Variants in BRI3BP observed in about 807,000 individuals in gnomAD.
BRI3BP encodes BRI3-binding protein.
BRI3BP carries 7 observed loss-of-function variants against 15.8 expected under a neutral mutation model. The observed-to-expected ratio is 0.44, with a 90% confidence interval of 0.25 to 0.83. The LOEUF (loss-of-function observed/expected upper bound fraction) is 0.83. Ranked by LOEUF, BRI3BP falls within the 40% of genes least tolerant of loss-of-function variation. The probability of loss-of-function intolerance (pLI) is 0.20; values close to 1 mark genes in which losing one functional copy is unlikely to be tolerated. For synonymous variants in BRI3BP, 192 were observed against 163.5 expected (o/e 1.17, Z -1.33); for missense variants, 320 against 339.3 (o/e 0.94, Z 0.45).
Position 125,030,400 on chromosome 12 carries a change from T to C in BRI3BP, c.*4970T>C, listed in dbSNP as rs1488623826. On this transcript the variant is annotated 3_prime_UTR_variant, in exon 3 of 3. Transcript: ENST00000341446. ...TCCTCACTTGTGAATAATAGGAATA[T>C]ATTTTGCAGAATCTAACATAATACC... is the stretch of plus-strand genomic sequence containing the variant. The C allele has an allele frequency of 6.6e-6, 1 of 152,230 alleles. No individual in the cohort carries two copies. Among genetic ancestry groups the C allele is most frequent in the East Asian group, 1.9e-4 (1 of 5,204 alleles). 9.4% of individuals were successfully genotyped at this position (152,230 alleles called of 1,614,324 possible).
chr12:124,994,084 C>G, intron 1 of BRI3BP, 81 bp downstream of exon 1: 1 of 997,266 alleles, frequency 1.0e-6, no homozygotes, highest in Non-Finnish European at 1.3e-6. Flanking sequence ...GGGAGGAGCG[C>G]GGCCTCCGGG....
chr12:125,047,455 G>T, the BRI3BP span, among the ~76,000 whole-genome samples: 9 of 150,776 alleles, frequency 6.0e-5, no homozygotes, highest in East Asian at 1.8e-3. Context: ...TTACAGGCGT[G>T]AGCCACCGCA....
intron 2 of BRI3BP, among the ~76,000 whole-genome samples, chr12:125,024,533 C>T (rs1213597752): frequency 6.6e-6 from 1 of 152,256 alleles, no homozygotes; most frequent in East Asian, 1.9e-4. Context: ...GGCATGGTGG[C>T]TCATGCCTGT....
chr12:124,997,762 G>T (rs1197769157), intron 1 of BRI3BP, among the ~76,000 whole-genome samples: 1 of 151,852 alleles, frequency 6.6e-6, no homozygotes, highest in Admixed American at 6.6e-5. Context: ...GCCAAGGTGG[G>T]CAGCTCATCT....
chr12:125,010,422 A>T (rs7975925), intron 1 of BRI3BP, among the ~76,000 whole-genome samples: 20,067 of 152,142 alleles, frequency 0.13, 1,402 homozygotes, highest in Admixed American at 0.15. Flanking sequence ...CTGGTCCCTG[A>T]TTCAGCCCTG....
At chr12:125,049,464 C>A in the BRI3BP span, among the ~76,000 whole-genome samples, 1 of 151,898 alleles carries the variant, frequency 6.6e-6, no homozygotes, top group African/African-American at 2.4e-5. Context: ...AGGCACAACC[C>A]TCCTTTGGCA....
At chr12:125,045,061 A>G in the BRI3BP span, among the ~76,000 whole-genome samples, 2 of 152,226 alleles carry the variant, frequency 1.3e-5, no homozygotes, top group African/African-American at 2.4e-5. Flanking sequence ...TTATATCTAT[A>G]CCTGACTTTA....
In BRI3BP at chr12:125,025,081, A is replaced by G. The variant is rs868799704; in HGVS notation, c.407A>G (p.Tyr136Cys). The G allele has an allele frequency of 1.9e-6, 3 of 1,613,532 alleles. No homozygotes were observed. The highest frequency in any genetic ancestry group is 2.5e-6 in the Non-Finnish European group (3 of 1,179,978). Residue 136 changes from tyrosine (Y) to cysteine (C), a missense_variant, in exon 3 of 3, where the codon TAC becomes TGC. Coordinates refer to ENST00000341446, the MANE Select transcript of BRI3BP (RefSeq NM_080626.6). Reference protein sequence around the residue: ...LLLVGVVLLAYWFLSLTLGFT... With the variant: ...LLLVGVVLLACWFLSLTLGFT... ...CTGGTCGGCGTCGTCCTCCTGGCCT[A>G]CTGGTTCTTGTCCCTGACCCTGGGC... is the stretch of plus-strand genomic sequence containing the variant.
intron 2 of BRI3BP, among the ~76,000 whole-genome samples, chr12:125,021,658 T>A (rs930350531): frequency 6.6e-6 from 1 of 152,178 alleles, no homozygotes; most frequent in Non-Finnish European, 1.5e-5. Context: ...CTTGTAATCA[T>A]GGCGGAAGGC....
chr12:125,049,687 G>C, the BRI3BP span, among the ~76,000 whole-genome samples: 1 of 152,228 alleles, frequency 6.6e-6, no homozygotes, highest in Non-Finnish European at 1.5e-5. Flanking sequence ...GGATTGGCTG[G>C]GAGGTGCGGC....
At chr12:125,021,995 G>A (rs976003337) in intron 2 of BRI3BP, among the ~76,000 whole-genome samples, 1 of 151,104 alleles carries the variant, frequency 6.6e-6, no homozygotes, top group African/African-American at 2.4e-5. Context: ...TGGGAGGATC[G>A]CTTGAGCCCA....
downstream of BRI3BP, among the ~76,000 whole-genome samples, chr12:125,033,839 T>C (rs576863157): frequency 4.6e-5 from 7 of 151,724 alleles, no homozygotes; most frequent in South Asian, 1.3e-3. Context: ...ATCTCCACGG[T>C]TCAAGCAATC....
At chr12:125,043,069 T>TTA in the BRI3BP span, among the ~76,000 whole-genome samples, 2 of 148,402 alleles carry the variant, frequency 1.3e-5, no homozygotes, top group Non-Finnish European at 3.0e-5. Flanking sequence ...CTTGATGGGT[T>TTA]AAAAAAAAAA....
intron 2 of BRI3BP, among the ~76,000 whole-genome samples, chr12:125,014,978 G>A (rs1955230657): frequency 1.3e-5 from 2 of 152,170 alleles, no homozygotes. Flanking sequence ...TGTTGCCCAG[G>A]CTGGTCTCAA....
intron 1 of BRI3BP, among the ~76,000 whole-genome samples, chr12:125,006,035 G>A (rs1206689860): frequency 6.6e-6 from 1 of 152,120 alleles, no homozygotes; most frequent in Non-Finnish European, 1.5e-5. Context: ...GTGTCTTCGA[G>A]TGGTCTTTCC....
Position 125,022,541 on chromosome 12 carries a change from A to ATTTATTTATTTATTTTTTTTTTTT in BRI3BP, c.317-2447_317-2446insATTTATTTATTTTTTTTTTTTTTT. ...TTATTATTTATTTATTTATTTATTT[A>ATTTATTTATTTATTTTTTTTTTTT]TTTTTTGAGACAGAGCCTCACTGTG... On this transcript the variant is annotated intron_variant, in intron 2 of 2. Coordinates refer to ENST00000341446, the MANE Select transcript of BRI3BP (RefSeq NM_080626.6). Among the ~76,000 whole-genome samples, 61 of 139,428 alleles carry ATTTATTTATTTATTTTTTTTTTTT rather than the reference A, an allele frequency of 4.4e-4. 1 individual carries two copies. The highest frequency in any genetic ancestry group is 1.7e-3 in the African/African-American group (57 of 34,528). 91.5% of individuals were successfully genotyped at this position (139,428 alleles called of 152,430 possible).
downstream of BRI3BP, among the ~76,000 whole-genome samples, chr12:125,035,202 C>A (rs1004152369): frequency 6.6e-6 from 1 of 152,106 alleles, no homozygotes; most frequent in East Asian, 1.9e-4. Context: ...CAGGTAAATA[C>A]TTAGGACCAG....
At position 124,993,655 on chromosome 12, in the gene BRI3BP, C is replaced by A; in HGVS notation, c.-136C>A. On this transcript the variant is annotated 5_prime_UTR_variant, in exon 1 of 3. Transcript: ENST00000341446. Reference sequence around the variant, plus strand: ...GCGCGGGGCGGGGCAGGTGGCGCAGCAGCGGCGGCGGCGGCTGTGGGTAAA... The same window carrying A: ...GCGCGGGGCGGGGCAGGTGGCGCAGAAGCGGCGGCGGCGGCTGTGGGTAAA... 2.8e-6 allele frequency: 1 copy of A among 355,096 alleles called. No individual in the cohort carries two copies. Among genetic ancestry groups the A allele is most frequent in the Non-Finnish European group, 3.9e-6 (1 of 256,306 alleles). The allele number at this position is 355,096 out of a possible 1,614,324, so 22.0% of individuals were successfully genotyped here. A position where few individuals can be genotyped will look rare whatever the true frequency, so the allele number is the denominator to read the frequency against.
the BRI3BP span, among the ~76,000 whole-genome samples, chr12:125,045,629 G>C: frequency 2.4e-4 from 36 of 152,298 alleles, 1 homozygote; most frequent in African/African-American, 8.4e-4. Context: ...GCCCCGCCTG[G>C]CCTCTAAGAT....
Sources: gnomAD v4.1 joint callset for allele counts (sites outside exome capture counted in the v4.1 genomes callset) on GRCh38, gnomAD v4.1.1 for gene constraint, MANE v1.5 for transcripts, NCBI Gene and HGNC (gene_info 2026-07-23, HGNC 2026-07-21) for gene names.